GRID2: variants seen among roughly 807,000 people sequenced by gnomAD.
The protein encoded by GRID2 is glutamate ionotropic receptor delta type subunit 2, also known as glutamate receptor ionotropic, delta-2.
GRID2 carries 33 observed loss-of-function variants against 114.8 expected under a neutral mutation model. The observed-to-expected ratio is 0.29, with a 90% CI of 0.22 to 0.38. GRID2 has a LOEUF of 0.38. Ranked by LOEUF, GRID2 falls within the 10% of genes least tolerant of loss-of-function variation. GRID2 has a pLI of 1.00. For synonymous variants in GRID2, 505 were observed against 449.9 expected, an observed-to-expected ratio of 1.12 and a Z score of -1.55; for missense variants, 1,184 against 1,257.7, an observed-to-expected ratio of 0.94 and a Z score of 0.89.
intron 1 of GRID2, among the ~76,000 whole-genome samples, chr4:93,796,710 T>A (rs980555974): frequency 1.3e-5 from 2 of 152,018 alleles, no homozygotes; most frequent in African/African-American, 4.8e-5. Flanking sequence ...CACCTGGATA[T>A]TTTTTATTAA....
chr4:93,280,062 A>T (rs930963765), intron 8 of GRID2, among the ~76,000 whole-genome samples: 1 of 151,910 alleles, frequency 6.6e-6, no homozygotes, highest in Non-Finnish European at 1.5e-5. Flanking sequence ...ACAAGCAAAA[A>T]ATGGTGAGTG....
chr4:93,044,132 T>C (rs546297270), intron 2 of GRID2, among the ~76,000 whole-genome samples: 368 of 152,154 alleles, frequency 2.4e-3, no homozygotes, highest in South Asian at 5.0e-3. Context: ...ACCTCACTCA[T>C]CAAGACTTTA....
At chr4:92,463,702 C>CT (rs1011645867) in intron 1 of GRID2, among the ~76,000 whole-genome samples, 15 of 151,596 alleles carry the variant, frequency 9.9e-5, no homozygotes, top group African/African-American at 1.9e-4. Flanking sequence ...TTTCTCACAG[C>CT]TTTTTTTTGT....
chr4:92,749,497 T>C (rs768767879), intron 2 of GRID2, among the ~76,000 whole-genome samples: 17 of 151,754 alleles, frequency 1.1e-4, no homozygotes, highest in Non-Finnish European at 2.4e-4. Flanking sequence ...ATATTTTTAG[T>C]AGAGACCGGG....
chr4:92,839,271 C>CT (rs995207263), intron 2 of GRID2, among the ~76,000 whole-genome samples: 73 of 142,676 alleles, frequency 5.1e-4, no homozygotes, highest in South Asian at 1.1e-3. Context: ...TGTAAGAGTT[C>CT]TTTTTTTTTT....
At chr4:92,412,526 C>T (rs1209583160) in intron 1 of GRID2, among the ~76,000 whole-genome samples, 2 of 151,932 alleles carry the variant, frequency 1.3e-5, no homozygotes, top group Non-Finnish European at 2.9e-5. Flanking sequence ...CTTCTTTAAC[C>T]TCTAAGGTTT....
intron 1 of GRID2, among the ~76,000 whole-genome samples, chr4:92,482,016 AT>A (rs1722632709): frequency 6.0e-5 from 4 of 67,000 alleles, no homozygotes; most frequent in African/African-American, 1.5e-4. Context: ...ATATATATAT[AT>A]ATATATATAT....
chr4:93,508,074 GT>G, intron 12 of GRID2, among the ~76,000 whole-genome samples: 1 of 152,010 alleles, frequency 6.6e-6, no homozygotes, highest in Non-Finnish European at 1.5e-5. Flanking sequence ...GAGTTAATGA[GT>G]GCAGCACACC....
At chr4:93,508,177 T>C (rs1728828089) in intron 12 of GRID2, among the ~76,000 whole-genome samples, 1 of 149,704 alleles carries the variant, frequency 6.7e-6, no homozygotes, top group Non-Finnish European at 1.5e-5. Flanking sequence ...TAAAAAAGTT[T>C]TAGATTTTTT....
chr4:93,134,433 A>T (rs182687742), intron 4 of GRID2, among the ~76,000 whole-genome samples: 170 of 152,280 alleles, frequency 1.1e-3, no homozygotes, highest in African/African-American at 3.6e-3. Context: ...CAATTTTCTG[A>T]GTCTACAGTC....
intron 4 of GRID2, among the ~76,000 whole-genome samples, chr4:93,174,350 G>A (rs1244417449): frequency 6.6e-6 from 1 of 152,082 alleles, no homozygotes; most frequent in Non-Finnish European, 1.5e-5. Context: ...AGCATGTTAT[G>A]TAAATGAAAT....
chr4:92,471,412 G>T (rs77533829), intron 1 of GRID2, among the ~76,000 whole-genome samples: 4,545 of 151,898 alleles, frequency 0.03, 72 homozygotes, highest in South Asian at 0.079. Flanking sequence ...TTAGACTGTT[G>T]GTAAGTAAGT....
chr4:92,523,520 G>A (rs1724888051), intron 1 of GRID2, among the ~76,000 whole-genome samples: 1 of 151,994 alleles, frequency 6.6e-6, no homozygotes, highest in Admixed American at 6.6e-5. Flanking sequence ...TAAAATTTAG[G>A]TAAAGGAAGA....
At chr4:92,691,119 T>A (rs1267487863) in intron 2 of GRID2, among the ~76,000 whole-genome samples, 2 of 152,136 alleles carry the variant, frequency 1.3e-5, no homozygotes, top group Non-Finnish European at 2.9e-5. Flanking sequence ...GTCAGCAAAG[T>A]GAACTATCAA....
chr4:93,142,607 C>T (rs865803797), intron 4 of GRID2, among the ~76,000 whole-genome samples: 3 of 152,136 alleles, frequency 2.0e-5, no homozygotes, highest in Admixed American at 6.5e-5. Flanking sequence ...GACACAAACC[C>T]TCAGATCATA....
Position 93,455,732 on chromosome 4 carries a change from G to A in GRID2, c.1616G>A (p.Arg539His), listed in dbSNP as rs772260836. 8 of 1,611,980 alleles carry A rather than the reference G, an allele frequency of 5.0e-6. No individual in the cohort carries two copies. Among genetic ancestry groups the A allele is most frequent in the Admixed American group, 1.7e-5 (1 of 60,012 alleles). Residue 539 changes from arginine to histidine, a missense_variant, in exon 11 of 16, where the codon CGT (arginine) becomes CAT (histidine). This residue lies in a region of GRID2 where 717 missense variants were observed against 796.9 expected (regional missense o/e 0.90). Transcript: ENST00000282020. ...DRENVVDFTT[R>H]YMDYSVGVLL... ...GAAAATGTGGTGGACTTTACGACAC[G>A]TTACATGGACTACTCAGTGGGGGTA... is the stretch of plus-strand genomic sequence containing the variant.
At chr4:93,095,852 AT>A (rs1203964103) in intron 3 of GRID2, among the ~76,000 whole-genome samples, 1 of 152,070 alleles carries the variant, frequency 6.6e-6, no homozygotes, top group Non-Finnish European at 1.5e-5. Flanking sequence ...ATAATCAAAA[AT>A]CTTAAATTTT....
intron 8 of GRID2, among the ~76,000 whole-genome samples, chr4:93,354,310 AATC>A (rs1408915812): frequency 5.9e-5 from 9 of 152,030 alleles, no homozygotes; most frequent in Non-Finnish European, 1.3e-4. Context: ...AAATTGCACT[AATC>A]AGTTGAATAA....
chr4:92,558,490 T>C (rs1184698974), intron 1 of GRID2, among the ~76,000 whole-genome samples: 2 of 152,168 alleles, frequency 1.3e-5, no homozygotes, highest in Non-Finnish European at 2.9e-5. Context: ...TTAATCTACT[T>C]GAAATTCACT....
Sources: gnomAD v4.1 joint callset for allele counts (sites outside exome capture counted in the v4.1 genomes callset) on GRCh38, gnomAD v4.1.1 for gene constraint, gnomAD v4.1.1 regional missense constraint, MANE v1.5 for transcripts, NCBI Gene and HGNC (gene_info 2026-07-23, HGNC 2026-07-21) for gene names.